PXYLP1: variants seen among roughly 807,000 people sequenced by gnomAD.
The protein encoded by PXYLP1 is acid phosphatase-like 2.
Under a neutral mutation model 37.9 loss-of-function variants are expected in PXYLP1, and 17 were observed. The observed-to-expected ratio is 0.45, with a 90% CI of 0.31 to 0.67. PXYLP1 has a LOEUF of 0.67. Among genes scored for constraint, PXYLP1 ranks in the 30% least tolerant of loss-of-function variants. The pLI, the probability that PXYLP1 is intolerant of heterozygous loss-of-function variation, is 0.07. For synonymous variants in PXYLP1, 221 were observed against 232.2 expected (o/e 0.95, Z 0.44); for missense variants, 511 against 612.0 (o/e 0.84, Z 1.74).
chr3:141,249,888 G>A (rs1941102256), intron 1 of PXYLP1, among the ~76,000 whole-genome samples: 1 of 152,128 alleles, frequency 6.6e-6, no homozygotes, highest in South Asian at 2.1e-4. Context: ...CTGGCTTGAT[G>A]AGTTAGTTAT....
chr3:141,257,482 G>A (rs145197516), intron 1 of PXYLP1, among the ~76,000 whole-genome samples: 3 of 152,188 alleles, frequency 2.0e-5, no homozygotes, highest in Non-Finnish European at 2.9e-5. Context: ...GATACAAAGA[G>A]CATGAAAAAA....
chr3:141,261,447 C>T (rs878892563), intron 2 of PXYLP1, among the ~76,000 whole-genome samples: 2 of 152,252 alleles, frequency 1.3e-5, no homozygotes, highest in South Asian at 4.1e-4. Context: ...GGATTAGTGC[C>T]ATTTTTTTCA....
At chr3:141,274,622 A>G in intron 2 of PXYLP1, 1 of 794,500 alleles carries the variant, frequency 1.3e-6, no homozygotes, top group Non-Finnish European at 2.1e-6. Context: ...CCAGTTCAGC[A>G]GGTATTTTTG....
intron 2 of PXYLP1, among the ~76,000 whole-genome samples, chr3:141,265,057 G>A (rs566815541): frequency 2.6e-4 from 39 of 152,284 alleles, no homozygotes; most frequent in African/African-American, 8.4e-4. Context: ...AGCAGGAGTG[G>A]TCAAGGAGGC....
At chr3:141,249,722 T>C (rs1309204180) in intron 1 of PXYLP1, among the ~76,000 whole-genome samples, 1 of 152,188 alleles carries the variant, frequency 6.6e-6, no homozygotes, top group Non-Finnish European at 1.5e-5. Flanking sequence ...GAGGTACTTA[T>C]AGCTTCTCGA....
At chr3:141,271,115 G>A (rs1417380807) in intron 2 of PXYLP1, among the ~76,000 whole-genome samples, 1 of 152,072 alleles carries the variant, frequency 6.6e-6, no homozygotes, top group Non-Finnish European at 1.5e-5. Flanking sequence ...ATTCACAGGT[G>A]GTATCTCAAC....
chr3:141,278,470 A>G lies in PXYLP1; in HGVS notation c.208A>G (p.Ile70Val). The G allele has an allele frequency of 1.2e-6, 2 of 1,614,182 alleles. No individual in the cohort carries two copies. Among genetic ancestry groups the G allele is most frequent in the South Asian group, 1.1e-5 (1 of 91,082 alleles). ...TTATGAAGCTCTTTTGTACTGCAAC[A>G]TCCCCAGCGTGGCCGAGCGCAGCAT... ...PVYEALLYCNIPSVAERSMEG... is the reference protein window; with the variant it reads ...PVYEALLYCNVPSVAERSMEG... Residue 70 changes from isoleucine (I) to valine (V), a missense_variant, in exon 3 of 6, where the codon ATC becomes GTC. Transcript: ENST00000286353.
intron 1 of PXYLP1, among the ~76,000 whole-genome samples, chr3:141,241,750 A>G (rs2107887152): frequency 6.6e-6 from 1 of 152,224 alleles, no homozygotes. Flanking sequence ...CCCCCATGGA[A>G]CTCATGGGCT....
chr3:141,258,110 C>T (rs1484625976), intron 1 of PXYLP1, among the ~76,000 whole-genome samples: 5 of 152,118 alleles, frequency 3.3e-5, no homozygotes. Flanking sequence ...TCGCCTCCCA[C>T]ATGCAAACGC....
intron 1 of PXYLP1, among the ~76,000 whole-genome samples, chr3:141,234,532 G>T (rs1241670497): frequency 1.3e-5 from 2 of 152,222 alleles, no homozygotes; most frequent in Non-Finnish European, 2.9e-5. Context: ...ACTCCAGTGG[G>T]TGTTGCTTCC....
At chr3:141,277,703 T>C (rs1941831500) in intron 2 of PXYLP1, among the ~76,000 whole-genome samples, 1 of 152,140 alleles carries the variant, frequency 6.6e-6, no homozygotes, top group South Asian at 2.1e-4. Flanking sequence ...AGCTCACTAA[T>C]GGAATGAGGG....
chr3:141,282,483 AACACACACACAC>A (rs3069374), intron 4 of PXYLP1, among the ~76,000 whole-genome samples: 2 of 147,524 alleles, frequency 1.4e-5, no homozygotes, highest in Admixed American at 6.7e-5. Context: ...AACCCAGACA[AACACACACACAC>A]ACACACACAC....
At position 141,277,831 on chromosome 3, in the gene PXYLP1, A is replaced by G. The variant is rs62281969; in HGVS notation, c.80-511A>G. 4.7e-3 allele frequency among the ~76,000 whole-genome samples: 716 copies of G among 152,056 alleles called. 2 individuals carry two copies. Among genetic ancestry groups the G allele is most frequent in the Middle Eastern group, 6.8e-3 (2 of 294 alleles). ...TGAGACAGGCTTTCACCCACCACAC[A>G]TGCCTTGGTCCTTGGCTTTCTTCTG... On this transcript the variant is annotated intron_variant, in intron 2 of 5. Coordinates refer to ENST00000286353, the MANE Select transcript of PXYLP1 (RefSeq NM_001037172.3).
At chr3:141,263,915 C>A (rs1226818120) in intron 2 of PXYLP1, among the ~76,000 whole-genome samples, 10 of 152,180 alleles carry the variant, frequency 6.6e-5, no homozygotes, top group Non-Finnish European at 1.0e-4. Flanking sequence ...TCATAGTGCA[C>A]CATCATCAGA....
chr3:141,288,258 A>G (rs1942121715), intron 5 of PXYLP1, among the ~76,000 whole-genome samples: 1 of 152,208 alleles, frequency 6.6e-6, no homozygotes, highest in Non-Finnish European at 1.5e-5. Context: ...ACCAGCCTTT[A>G]TGGGTGAATT....
intron 1 of PXYLP1, among the ~76,000 whole-genome samples, chr3:141,250,749 T>G (rs1941122435): frequency 6.6e-6 from 1 of 152,196 alleles, no homozygotes; most frequent in Admixed American, 6.5e-5. Context: ...AGGACAGACA[T>G]GGAAAGCTCT....
At chr3:141,245,976 G>A (rs1005546977) in intron 1 of PXYLP1, among the ~76,000 whole-genome samples, 1 of 152,100 alleles carries the variant, frequency 6.6e-6, no homozygotes, top group Non-Finnish European at 1.5e-5. Flanking sequence ...GATGGAAATA[G>A]CATTGAACTG....
intron 2 of PXYLP1, among the ~76,000 whole-genome samples, chr3:141,276,687 C>T (rs1941803898): frequency 6.6e-6 from 1 of 152,180 alleles, no homozygotes; most frequent in East Asian, 1.9e-4. Flanking sequence ...CGTAGAATAA[C>T]GAGATCGGGG....
chr3:141,275,804 A>AG (rs1196127562), intron 2 of PXYLP1, among the ~76,000 whole-genome samples: 3 of 151,940 alleles, frequency 2.0e-5, no homozygotes, highest in African/African-American at 7.3e-5. Context: ...TGTAAAAAAA[A>AG]AAAAAATGCT....
Sources: gnomAD v4.1 joint callset for allele counts (sites outside exome capture counted in the v4.1 genomes callset) on GRCh38, gnomAD v4.1.1 for gene constraint, MANE v1.5 for transcripts, NCBI Gene and HGNC (gene_info 2026-07-23, HGNC 2026-07-21) for gene names.